FBN2: variants seen among roughly 807,000 people sequenced by gnomAD.
The protein encoded by FBN2 is fibrillin 2, also known as fibrillin-2.
A neutral mutation model predicts 355.6 loss-of-function variants in FBN2; 105 were observed. The ratio of observed to expected loss-of-function variants is 0.30; its 90% CI spans 0.25 to 0.35. The LOEUF (loss-of-function observed/expected upper bound fraction) is 0.35. Ranked by LOEUF, FBN2 falls within the 10% of genes least tolerant of loss-of-function variation. The probability of loss-of-function intolerance (pLI) is 1.00; values close to 1 mark genes in which losing one functional copy is unlikely to be tolerated. For missense variants in FBN2, 3,280 were observed against 3,758.7 expected (o/e 0.87, Z 3.33); for synonymous variants, 1,350 against 1,301.2 (o/e 1.04, Z -0.81).
chr5:128,516,814 A>G (rs570215607), intron 5 of FBN2, among the ~76,000 whole-genome samples: 2 of 152,254 alleles, frequency 1.3e-5, no homozygotes, highest in South Asian at 4.1e-4. Context: ...CACAGACACA[A>G]TGTTTCTTGA....
intron 26 of FBN2, 53 bp downstream of exon 26, chr5:128,338,880 G>C: frequency 6.3e-7 from 1 of 1,589,772 alleles, no homozygotes; most frequent in South Asian, 1.1e-5. Flanking sequence ...GCGCACGAAT[G>C]AGTCTGTGCT....
At chr5:128,431,256 G>A (rs1038567727) in intron 7 of FBN2, among the ~76,000 whole-genome samples, 1 of 152,206 alleles carries the variant, frequency 6.6e-6, no homozygotes, top group African/African-American at 2.4e-5. Context: ...ATAAGATCCT[G>A]AGTTCCTGTT....
intron 36 of FBN2, among the ~76,000 whole-genome samples, chr5:128,314,902 G>A (rs1024955731): frequency 9.9e-5 from 15 of 152,152 alleles, no homozygotes; most frequent in African/African-American, 3.1e-4. Context: ...ACTCCGTGGT[G>A]TATAATTGCT....
intron 36 of FBN2, among the ~76,000 whole-genome samples, chr5:128,314,323 T>G (rs1406430860): frequency 6.6e-6 from 1 of 152,080 alleles, no homozygotes; most frequent in Non-Finnish European, 1.5e-5. Context: ...TTATTTATAT[T>G]TATTTGTTTA....
At chr5:128,293,793 A>G (rs1228566653) in intron 48 of FBN2, among the ~76,000 whole-genome samples, 1 of 152,146 alleles carries the variant, frequency 6.6e-6, no homozygotes, top group Non-Finnish European at 1.5e-5. Context: ...ATGAGCAAAG[A>G]AAATGGAAGA....
At chr5:128,446,196 A>C in intron 7 of FBN2, 2 of 307,430 alleles carry the variant, frequency 6.5e-6, no homozygotes, top group Non-Finnish European at 1.3e-5. Flanking sequence ...GTGAAATGGA[A>C]ACCTACTTTA....
At chr5:128,262,517 G>C (rs1765001330) in intron 63 of FBN2, among the ~76,000 whole-genome samples, 1 of 152,184 alleles carries the variant, frequency 6.6e-6, no homozygotes, top group Admixed American at 6.5e-5. Context: ...AATTTCCAAA[G>C]AGAATGCTAA....
At chr5:128,370,225 G>A (rs1357825252) in intron 15 of FBN2, among the ~76,000 whole-genome samples, 9 of 152,080 alleles carry the variant, frequency 5.9e-5, no homozygotes. Context: ...AAAAAACTCA[G>A]ATCATAAAGG....
rs1274780641 is a variant in FBN2, at chr5:128,286,755, A to G, written c.6975T>C (p.Pro2325=). 2.5e-6 allele frequency: 4 copies of G among 1,614,190 alleles called. No homozygotes were observed. The highest frequency in any genetic ancestry group is 3.4e-6 in the Non-Finnish European group (4 of 1,180,000). Residue 2325 remains proline, a synonymous_variant, in exon 55 of 65, where the codon CCT becomes CCC. Transcript: ENST00000262464. ...LIGTFMCICP[P]GMARRPDGEG... is the part of the protein sequence containing the mutation. ...CTCCATCGGGCCTTCGGGCCATTCCAGGAGGGCAGATGCACATGAAGGTGC... is the reference window on the plus strand; with the variant it reads ...CTCCATCGGGCCTTCGGGCCATTCCGGGAGGGCAGATGCACATGAAGGTGC...
At chr5:128,513,841 C>G (rs1481358813) in intron 5 of FBN2, among the ~76,000 whole-genome samples, 2 of 152,032 alleles carry the variant, frequency 1.3e-5, no homozygotes, top group Admixed American at 6.6e-5. Context: ...GCTTTTCCTT[C>G]TCTAATTTTC....
intron 36 of FBN2, among the ~76,000 whole-genome samples, chr5:128,313,656 A>T (rs1302907745): frequency 2.0e-5 from 3 of 151,946 alleles, no homozygotes; most frequent in Admixed American, 2.0e-4. Flanking sequence ...GGAATCGACC[A>T]TCCTGGCTAA....
intron 18 of FBN2, among the ~76,000 whole-genome samples, chr5:128,363,298 C>T (rs1751686167): frequency 6.6e-6 from 1 of 152,116 alleles, no homozygotes; most frequent in African/African-American, 2.4e-5. Context: ...TCCAGCGATT[C>T]TCCTGCTTCA....
rs1291462435 is a variant in FBN2 at position 128,310,387 on chromosome 5, TATATATATATATATA to T, written c.5075-294_5075-280del. ...GCACATATATATATATATATATATA[TATATATATATATATA>T]TTTTTTTTTTTTTTTTTTTATTGCA... On this transcript the variant is annotated intron_variant, in intron 39 of 64. Transcript: ENST00000262464. 8.2e-3 allele frequency among the ~76,000 whole-genome samples: 103 copies of T among 12,490 alleles called. 1 individual carries two copies. Among genetic ancestry groups the T allele is most frequent in the East Asian group, 0.069 (13 of 188 alleles). 8.2% of individuals were successfully genotyped at this position (12,490 alleles called of 152,430 possible).
At chr5:128,518,876 T>G (rs1470935793) in intron 5 of FBN2, among the ~76,000 whole-genome samples, 1 of 152,212 alleles carries the variant, frequency 6.6e-6, no homozygotes, top group African/African-American at 2.4e-5. Context: ...ATACATTTCC[T>G]TATTGCTTAG....
intron 62 of FBN2, among the ~76,000 whole-genome samples, chr5:128,271,217 G>A (rs895031474): frequency 1.5e-4 from 23 of 152,144 alleles, no homozygotes; most frequent in Non-Finnish European, 7.3e-5. Flanking sequence ...CACAGAAACA[G>A]GAAGCATCCT....
rs1754129236 is a variant in FBN2 at position 128,448,310 on chromosome 5, C to T, written c.827-1704G>A. Among the ~76,000 whole-genome samples the T allele has an allele frequency of 2.7e-5, 4 of 145,634 alleles. No individual in the cohort carries two copies. The South Asian group carries it at 8.8e-4, about 32-fold the overall frequency. On this transcript the variant is annotated intron_variant, in intron 6 of 64. Coordinates refer to ENST00000262464, the MANE Select transcript of FBN2 (RefSeq NM_001999.4). Reference sequence around the variant, plus strand: ...ACTATCCAATATCCTAATTTTCTTTCTTTTTTTTTTTTAGACCAAGTTTTG... The same window carrying T: ...ACTATCCAATATCCTAATTTTCTTTTTTTTTTTTTTTTAGACCAAGTTTTG...
intron 6 of FBN2, among the ~76,000 whole-genome samples, chr5:128,456,839 G>C (rs1320799004): frequency 6.6e-6 from 1 of 152,088 alleles, no homozygotes; most frequent in African/African-American, 2.4e-5. Context: ...AACACACAAA[G>C]ATGAGAAAGA....
At position 128,537,861 on chromosome 5, in the gene FBN2, A is replaced by C. The variant is rs952921500; in HGVS notation, c.-258T>G. The C allele has an allele frequency of 3.8e-5, 22 of 581,756 alleles. No individual in the cohort carries two copies. In the South Asian group the frequency reaches 4.4e-4, roughly 12 times the overall value. 36.0% of individuals were successfully genotyped at this position (581,756 alleles called of 1,614,324 possible). ...GGCGGAGGTGCAGCCGGCAGCCCCG[A>C]GCGGTACACGTTGCATAACCGGCCT... On this transcript the variant is annotated 5_prime_UTR_variant, in exon 1 of 65. Coordinates refer to ENST00000262464, the MANE Select transcript of FBN2 (RefSeq NM_001999.4).
intron 55 of FBN2, among the ~76,000 whole-genome samples, chr5:128,285,627 A>G (rs1156761936): frequency 2.6e-5 from 4 of 151,360 alleles, no homozygotes; most frequent in Non-Finnish European, 5.9e-5. Context: ...TCAATCATGC[A>G]GACTAAGTTT....
Sources: gnomAD v4.1 joint callset for allele counts (sites outside exome capture counted in the v4.1 genomes callset) on GRCh38, gnomAD v4.1.1 for gene constraint, MANE v1.5 for transcripts, NCBI Gene and HGNC (gene_info 2026-07-23, HGNC 2026-07-21) for gene names.